Variants in NETO2 observed in about 807,000 individuals in gnomAD.
The protein encoded by NETO2 is neuropilin and tolloid-like protein 2.
In NETO2, 28 loss-of-function variants were observed where a neutral mutation model predicts 62.5. The observed-to-expected ratio is 0.45, with a 90% CI of 0.33 to 0.61. The LOEUF (loss-of-function observed/expected upper bound fraction) is 0.61. Among genes scored for constraint, NETO2 ranks in the 20% least tolerant of loss-of-function variants. NETO2 has a pLI of 0.02. For synonymous variants in NETO2, 214 were observed against 219.1 expected, an observed-to-expected ratio of 0.98 and a Z score of 0.21; for missense variants, 548 against 643.2, an observed-to-expected ratio of 0.85 and a Z score of 1.60.
chr16:47,097,762 C>T (rs1213388366), intron 7 of NETO2, among the ~76,000 whole-genome samples: 2 of 152,212 alleles, frequency 1.3e-5, no homozygotes, highest in Non-Finnish European at 2.9e-5. Context: ...ACAGACACCT[C>T]ACACAGGAGA....
chr16:47,138,024 T>C lies in NETO2; in HGVS notation c.34+5555A>G, dbSNP rs559053528. 3.3e-5 allele frequency among the ~76,000 whole-genome samples: 5 copies of C among 152,268 alleles called. No homozygotes were observed. The South Asian group carries it at 1.0e-3, about 32-fold the overall frequency. On this transcript the variant is annotated intron_variant, in intron 1 of 8. Coordinates refer to ENST00000562435, the MANE Select transcript of NETO2 (RefSeq NM_018092.5). ...AGTATGAGGCTGGAGTGCCAGCTAT[T>C]CTATCTTCATTATAGCTCCCATGTC... is the stretch of plus-strand genomic sequence containing the variant.
chr16:47,104,782 C>G (rs1036961646), intron 7 of NETO2, among the ~76,000 whole-genome samples: 19 of 152,126 alleles, frequency 1.2e-4, no homozygotes, highest in Admixed American at 1.2e-3. Context: ...TGCAGTGGCA[C>G]GATCTCGGCT....
intron 1 of NETO2, among the ~76,000 whole-genome samples, chr16:47,138,840 T>G (rs749924605): frequency 3.3e-5 from 5 of 152,198 alleles, no homozygotes; most frequent in Admixed American, 3.3e-4. Flanking sequence ...CGTGTCTCTC[T>G]GGCCTTCCGA....
At chr16:47,084,622 T>C (rs932560854) in intron 8 of NETO2, among the ~76,000 whole-genome samples, 4 of 152,168 alleles carry the variant, frequency 2.6e-5, no homozygotes, top group Admixed American at 6.5e-5. Flanking sequence ...AGAAGTCCAA[T>C]AGAGTAGTAT....
intron 1 of NETO2, among the ~76,000 whole-genome samples, chr16:47,141,815 C>T (rs757558925): frequency 2.0e-5 from 3 of 152,214 alleles, no homozygotes; most frequent in Non-Finnish European, 2.9e-5. Flanking sequence ...TCACCAGAAT[C>T]CTTTCCTGAA....
intron 7 of NETO2, among the ~76,000 whole-genome samples, chr16:47,093,916 G>A (rs1963370030): frequency 6.6e-6 from 1 of 152,156 alleles, no homozygotes. Flanking sequence ...CATCAGTCAG[G>A]ATATAAAGGC....
At chr16:47,087,257 C>T (rs1051044427) in intron 7 of NETO2, among the ~76,000 whole-genome samples, 1 of 152,192 alleles carries the variant, frequency 6.6e-6, no homozygotes, top group Non-Finnish European at 1.5e-5. Context: ...AACTCCTGAC[C>T]TCGTGATCCA....
chr16:47,142,709 C>T (rs140435371), intron 1 of NETO2, among the ~76,000 whole-genome samples: 379 of 152,270 alleles, frequency 2.5e-3, no homozygotes, highest in African/African-American at 8.4e-3. Flanking sequence ...TTATTCAGTC[C>T]GAGTTTCAGG....
Position 47,080,914 on chromosome 16 carries a change from A to G in NETO2, c.*2307T>C, listed in dbSNP as rs1240970449. ...ATAAGTTTTTTTACTGTGAAAAGCA[A>G]AAAGTGTTTTAGCAGCCAGAAAATT... is the stretch of plus-strand genomic sequence containing the variant. On this transcript the variant is annotated 3_prime_UTR_variant, in exon 9 of 9. Transcript: ENST00000562435. 3 of 152,186 alleles carry G rather than the reference A, an allele frequency of 2.0e-5. No individual in the cohort carries two copies. Among genetic ancestry groups the G allele is most frequent in the Non-Finnish European group, 4.4e-5 (3 of 67,992 alleles). The allele number at this position is 152,186 out of a possible 1,614,324, so 9.4% of individuals were successfully genotyped here. A position where few individuals can be genotyped will look rare whatever the true frequency, so the allele number is the denominator to read the frequency against.
chr16:47,143,492 G>C lies in NETO2; in HGVS notation c.34+87C>G, dbSNP rs1964508648. 7 of 1,204,926 alleles carry C rather than the reference G, an allele frequency of 5.8e-6. No individual in the cohort carries two copies. In the South Asian group the frequency reaches 2.5e-4, roughly 43 times the overall value. 74.6% of individuals were successfully genotyped at this position (1,204,926 alleles called of 1,614,324 possible). On this transcript the variant is annotated intron_variant, in intron 1 of 8. Transcript: ENST00000562435. ...AGAGGCGCGTCGGGTCCCGGGCGCGGGTAAGGGACGCAGAGGCGCGGGCAG... is the reference window on the plus strand; with the variant it reads ...AGAGGCGCGTCGGGTCCCGGGCGCGCGTAAGGGACGCAGAGGCGCGGGCAG...
At chr16:47,114,451 T>C (rs1324494273) in intron 6 of NETO2, among the ~76,000 whole-genome samples, 4 of 122,100 alleles carry the variant, frequency 3.3e-5, no homozygotes, top group South Asian at 3.1e-4. Flanking sequence ...TTTTTTTTTT[T>C]TTTTTTTTTT....
In NETO2 at chr16:47,143,624, G is replaced by A; in HGVS notation, c.-12C>T. ...CGCTCCAGGGCCATGTTCCCGAGCT[G>A]CCCGGCGCTTCGCGAAGGGCTGAGG... On this transcript the variant is annotated 5_prime_UTR_variant, in exon 1 of 9. Transcript: ENST00000562435. 8.2e-7 allele frequency: 1 copy of A among 1,221,636 alleles called. No individual in the cohort carries two copies. The highest frequency in any genetic ancestry group is 1.0e-6 in the Non-Finnish European group (1 of 977,876). The allele number at this position is 1,221,636 out of a possible 1,614,324, so 75.7% of individuals were successfully genotyped here. A position where few individuals can be genotyped will look rare whatever the true frequency, so the allele number is the denominator to read the frequency against.
Position 47,128,382 on chromosome 16 carries a change from T to C in NETO2, c.424A>G (p.Ser142Gly). 4 of 1,614,136 alleles carry C rather than the reference T, an allele frequency of 2.5e-6. No homozygotes were observed. Among genetic ancestry groups the C allele is most frequent in the Non-Finnish European group, 3.4e-6 (4 of 1,179,992 alleles). ...STGRFMWIKF[S>G]SDEELEGLGF... ...AGTCCTTCAAGCTCTTCATCAGAAC[T>C]AAACTTAATCCACATGAATCTCCCT... The change falls in exon 4 of 9, where the codon AGT becomes GGT. Residue 142 changes from serine (S) to glycine (G), a missense_variant. Ser to Gly is a moderately conservative substitution (Grantham distance 56). Transcript: ENST00000562435.
chr16:47,122,656 C>T lies in NETO2; in HGVS notation c.654+1G>A. Reference sequence around the variant, plus strand: ...TGAAGCGACTCAATACATAATAATACCTTAGCTTTTGGAGTGGCTTTAATG... The same window carrying T: ...TGAAGCGACTCAATACATAATAATATCTTAGCTTTTGGAGTGGCTTTAATG... On this transcript the variant is annotated splice_donor_variant, in intron 6 of 8. Coordinates refer to ENST00000562435, the MANE Select transcript of NETO2 (RefSeq NM_018092.5). LOFTEE classifies it high-confidence loss of function. The T allele has an allele frequency of 6.2e-7, 1 of 1,613,356 alleles. No homozygotes were observed. Among genetic ancestry groups the T allele is most frequent in the Middle Eastern group, 1.7e-4 (1 of 6,048 alleles).
intron 6 of NETO2, among the ~76,000 whole-genome samples, chr16:47,119,320 T>C (rs2143950021): frequency 6.6e-6 from 1 of 151,946 alleles, no homozygotes; most frequent in Middle Eastern, 3.4e-3. Flanking sequence ...CCCGGCTAAT[T>C]TTTTGTACTT....
rs182520593 is a variant in NETO2, at chr16:47,143,491, G to T, written c.34+88C>A. 7.5e-6 allele frequency: 9 copies of T among 1,202,946 alleles called. No individual in the cohort carries two copies. In the Admixed American group the frequency reaches 2.6e-4, roughly 35 times the overall value. The allele number at this position is 1,202,946 out of a possible 1,614,324, so 74.5% of individuals were successfully genotyped here. ...AAGAGGCGCGTCGGGTCCCGGGCGC[G>T]GGTAAGGGACGCAGAGGCGCGGGCA... is the stretch of plus-strand genomic sequence containing the variant. On this transcript the variant is annotated intron_variant, in intron 1 of 8. Coordinates refer to ENST00000562435, the MANE Select transcript of NETO2 (RefSeq NM_018092.5).
At chr16:47,091,581 G>A (rs1224692420) in intron 7 of NETO2, among the ~76,000 whole-genome samples, 2 of 152,208 alleles carry the variant, frequency 1.3e-5, no homozygotes, top group East Asian at 1.9e-4. Flanking sequence ...GCAGGCCTGA[G>A]GGTGCTACCT....
chr16:47,130,617 A>G (rs1444366026), intron 2 of NETO2, among the ~76,000 whole-genome samples: 2 of 152,122 alleles, frequency 1.3e-5, no homozygotes, highest in Admixed American at 1.3e-4. Context: ...TGTACAAACA[A>G]TATTATATTC....
chr16:47,113,593 T>C (rs1963847082), intron 6 of NETO2, among the ~76,000 whole-genome samples: 1 of 149,098 alleles, frequency 6.7e-6, no homozygotes, highest in South Asian at 2.1e-4. Flanking sequence ...TTCTTTTTTT[T>C]TTTTTTTTTT....
Sources: gnomAD v4.1 joint callset for allele counts (sites outside exome capture counted in the v4.1 genomes callset) on GRCh38, gnomAD v4.1.1 for gene constraint, MANE v1.5 for transcripts, NCBI Gene and HGNC (gene_info 2026-07-23, HGNC 2026-07-21) for gene names.